Variants in SBF2 observed in about 807,000 individuals in gnomAD.
SBF2 encodes the protein myotubularin-related protein 13.
SBF2 carries 112 observed loss-of-function variants against 225.2 expected under a neutral mutation model. The observed-to-expected ratio is 0.50, with a 90% CI of 0.43 to 0.58. The LOEUF (loss-of-function observed/expected upper bound fraction) is 0.58. Among genes scored for constraint, SBF2 ranks in the 20% least tolerant of loss-of-function variants. The pLI, the probability that SBF2 is intolerant of heterozygous loss-of-function variation, is 0.00. For missense variants in SBF2, 1,996 were observed against 2,206.2 expected (o/e 0.90, Z 1.91); for synonymous variants, 763 against 773.3 (o/e 0.99, Z 0.22).
chr11:9,813,824 C>T lies in SBF2; in HGVS notation c.3979-1116G>A, dbSNP rs184986237. Reference sequence around the variant, plus strand: ...AGGCGTGGTGACAGGCACCTGTAATCGCAGCTACTCGGGAGGCTGAGGCAG... The same window carrying T: ...AGGCGTGGTGACAGGCACCTGTAATTGCAGCTACTCGGGAGGCTGAGGCAG... On this transcript the variant is annotated intron_variant, in intron 29 of 39. Coordinates refer to ENST00000256190, the MANE Select transcript of SBF2 (RefSeq NM_030962.4). Among the ~76,000 whole-genome samples, 323 of 152,132 alleles carry T rather than the reference C, an allele frequency of 2.1e-3. 2 individuals are homozygous for T. Among genetic ancestry groups the T allele is most frequent in the African/African-American group, 7.2e-3 (297 of 41,528 alleles).
intron 16 of SBF2, among the ~76,000 whole-genome samples, chr11:9,929,698 G>C (rs1247092283): frequency 6.6e-6 from 1 of 152,124 alleles, no homozygotes; most frequent in East Asian, 1.9e-4. Flanking sequence ...ACAAAGTGCT[G>C]CCTCATCCAC....
intron 6 of SBF2, among the ~76,000 whole-genome samples, chr11:10,012,584 T>G (rs1948498724): frequency 6.6e-6 from 1 of 152,234 alleles, no homozygotes; most frequent in Non-Finnish European, 1.5e-5. Flanking sequence ...CATTAATTCT[T>G]TTAGCATATT....
upstream of SBF2, among the ~76,000 whole-genome samples, chr11:10,299,215 G>A (rs1415867064): frequency 1.3e-5 from 2 of 151,730 alleles, no homozygotes; most frequent in South Asian, 2.1e-4. Flanking sequence ...GCGGGCACCT[G>A]TAGTCCCAGC....
At chr11:9,969,913 C>T (rs768448292) in intron 13 of SBF2, among the ~76,000 whole-genome samples, 19 of 152,182 alleles carry the variant, frequency 1.2e-4, no homozygotes, top group Non-Finnish European at 2.2e-4. Context: ...ATGAGGGGGA[C>T]ACAATGCTGA....
intron 6 of SBF2, among the ~76,000 whole-genome samples, chr11:10,011,031 TG>T (rs2134553280): frequency 6.6e-6 from 1 of 152,332 alleles, no homozygotes; most frequent in South Asian, 2.1e-4. Context: ...ATGATTTGGC[TG>T]TTTGTCTATT....
chr11:10,159,541 C>T (rs1250836398), intron 2 of SBF2, among the ~76,000 whole-genome samples: 4 of 152,160 alleles, frequency 2.6e-5, no homozygotes, highest in Non-Finnish European at 5.9e-5. Context: ...CTTCGACTCC[C>T]TATGATTTCA....
chr11:9,961,324 T>G (rs1394671642), intron 16 of SBF2: 1 of 152,236 alleles, frequency 6.6e-6, no homozygotes, highest in Non-Finnish European at 1.5e-5. Flanking sequence ...TTAATTACAT[T>G]TCCACCTTGT....
At chr11:9,808,722 G>A (rs1196934831) in intron 31 of SBF2, 179 bp downstream of exon 31, 8 of 536,192 alleles carry the variant, frequency 1.5e-5, no homozygotes, top group Admixed American at 3.1e-5. Context: ...TCCAGGCTGC[G>A]TAGGGGCTAA....
chr11:10,183,051 G>A (rs200333042), intron 2 of SBF2, among the ~76,000 whole-genome samples: 7 of 152,110 alleles, frequency 4.6e-5, no homozygotes, highest in South Asian at 4.1e-4. Flanking sequence ...GATTACAGGC[G>A]TGAGCCACTG....
intron 2 of SBF2, among the ~76,000 whole-genome samples, chr11:10,134,894 T>C (rs1954274584): frequency 6.6e-6 from 1 of 152,182 alleles, no homozygotes; most frequent in Non-Finnish European, 1.5e-5. Flanking sequence ...ACAGTGGCCC[T>C]CTTCTCACAG....
intron 28 of SBF2, among the ~76,000 whole-genome samples, chr11:9,821,743 G>A (rs1239324611): frequency 1.3e-5 from 2 of 152,040 alleles, no homozygotes; most frequent in East Asian, 1.9e-4. Context: ...CATGTGGTAC[G>A]GATGAATATT....
At chr11:9,884,428 A>G (rs911706027) in intron 17 of SBF2, among the ~76,000 whole-genome samples, 6 of 152,210 alleles carry the variant, frequency 3.9e-5, no homozygotes, top group Admixed American at 2.0e-4. Flanking sequence ...AATCTTACAT[A>G]TAAGTTCAAT....
At chr11:9,835,803 T>C (rs1855701932) in intron 26 of SBF2, among the ~76,000 whole-genome samples, 1 of 152,152 alleles carries the variant, frequency 6.6e-6, no homozygotes, top group South Asian at 2.1e-4. Context: ...TCACGTGTAG[T>C]TTGTTCATTT....
chr11:9,878,403 T>A (rs1253802250), intron 17 of SBF2, among the ~76,000 whole-genome samples: 1 of 152,226 alleles, frequency 6.6e-6, no homozygotes, highest in Non-Finnish European at 1.5e-5. Flanking sequence ...TTTAATTAGA[T>A]CCCATTTGTC....
At chr11:10,042,034 A>C (rs1345366180) in intron 3 of SBF2, among the ~76,000 whole-genome samples, 1 of 152,216 alleles carries the variant, frequency 6.6e-6, no homozygotes, top group Non-Finnish European at 1.5e-5. Flanking sequence ...AGAAGTCAGC[A>C]GTATGAGACT....
chr11:9,843,185 C>A, intron 24 of SBF2, among the ~76,000 whole-genome samples: 1 of 152,160 alleles, frequency 6.6e-6, no homozygotes, highest in East Asian at 1.9e-4. Context: ...TCTACTTACT[C>A]AAACTCTCTT....
intron 3 of SBF2, among the ~76,000 whole-genome samples, chr11:10,032,477 C>G (rs1380504001): frequency 1.3e-5 from 2 of 152,164 alleles, no homozygotes; most frequent in Non-Finnish European, 2.9e-5. Flanking sequence ...CTGTGTTATT[C>G]CTTTGCCTAA....
chr11:9,930,369 A>T (rs185302090), intron 16 of SBF2, among the ~76,000 whole-genome samples: 3 of 152,336 alleles, frequency 2.0e-5, no homozygotes, highest in Non-Finnish European at 2.9e-5. Flanking sequence ...GACCAAAAAA[A>T]TTACATATTT....
chr11:10,186,135 C>T (rs1244514495), intron 2 of SBF2, among the ~76,000 whole-genome samples: 1 of 152,144 alleles, frequency 6.6e-6, no homozygotes, highest in East Asian at 1.9e-4. Context: ...ATATTTACCA[C>T]TTGATTATAA....
Sources: allele counts gnomAD v4.1 joint callset (sites outside exome capture counted in the v4.1 genomes callset), GRCh38; gene constraint gnomAD v4.1.1; transcripts MANE v1.5; gene names NCBI Gene and HGNC (gene_info 2026-07-23, HGNC 2026-07-21).